Variants in SCAI observed in about 807,000 individuals in gnomAD.
SCAI encodes suppressor of cancer cell invasion, also known as protein SCAI.
SCAI carries 24 observed loss-of-function variants against 92.2 expected under a neutral mutation model. The observed-to-expected ratio is 0.26, with a 90% CI of 0.19 to 0.37. The LOEUF (loss-of-function observed/expected upper bound fraction) is 0.37. Ranked by LOEUF, SCAI falls within the 10% of genes least tolerant of loss-of-function variation. The probability of loss-of-function intolerance (pLI) is 1.00; values close to 1 mark genes in which losing one functional copy is unlikely to be tolerated. For missense variants in SCAI, 450 were observed against 736.2 expected (o/e 0.61, Z 4.50); for synonymous variants, 261 against 258.6 (o/e 1.01, Z -0.09).
intron 3 of SCAI, among the ~76,000 whole-genome samples, chr9:125,039,385 C>CAAAAAAAAAA (rs58716034): frequency 4.1e-5 from 2 of 48,308 alleles, no homozygotes; most frequent in African/African-American, 8.6e-5. Flanking sequence ...GACTCCATCT[C>CAAAAAAAAAA]AAAAAAAAAA....
In SCAI at chr9:125,114,263, A is replaced by C. The variant is rs953513274; in HGVS notation, c.98+28370T>G. 4.6e-5 allele frequency among the ~76,000 whole-genome samples: 7 copies of C among 152,328 alleles called. No homozygotes were observed. The South Asian group carries it at 1.0e-3, about 23-fold the overall frequency. On this transcript the variant is annotated intron_variant, in intron 2 of 17. Coordinates refer to ENST00000336505, the MANE Select transcript of SCAI (RefSeq NM_001144877.3). ...TTAGTAGTCGCTGGCATAAAAAATA[A>C]ATGCTATGTGAAAATTGTATGGTAC...
intron 2 of SCAI, among the ~76,000 whole-genome samples, chr9:125,110,886 T>C (rs1834915824): frequency 6.6e-6 from 1 of 152,126 alleles, no homozygotes; most frequent in Non-Finnish European, 1.5e-5. Flanking sequence ...CCCTGAGGCC[T>C]CCCCAGAAGC....
At chr9:124,963,146 T>C (rs117101033) in intron 17 of SCAI, among the ~76,000 whole-genome samples, 9 of 148,206 alleles carry the variant, frequency 6.1e-5, no homozygotes, top group African/African-American at 1.0e-4. Context: ...AAGAATTTTT[T>C]CCCCCCCGAG....
chr9:125,014,392 G>C (rs1000052846), intron 9 of SCAI, among the ~76,000 whole-genome samples: 56 of 151,980 alleles, frequency 3.7e-4, no homozygotes, highest in African/African-American at 1.2e-3. Flanking sequence ...CAATAACAGA[G>C]AAACAGAGAG....
intron 9 of SCAI, among the ~76,000 whole-genome samples, chr9:125,014,795 C>T (rs951209912): frequency 3.3e-5 from 5 of 152,170 alleles, no homozygotes; most frequent in African/African-American, 1.2e-4. Flanking sequence ...TACAAGGCTA[C>T]AGTAACCAAA....
intron 2 of SCAI, among the ~76,000 whole-genome samples, chr9:125,106,300 A>G (rs1834799537): frequency 1.3e-5 from 2 of 150,454 alleles, no homozygotes; most frequent in East Asian, 2.0e-4. Context: ...TGGAAGATTC[A>G]TTTCCAATGG....
intron 3 of SCAI, among the ~76,000 whole-genome samples, chr9:125,042,227 T>C (rs1833329414): frequency 6.6e-6 from 1 of 152,200 alleles, no homozygotes; most frequent in Non-Finnish European, 1.5e-5. Context: ...AGTATGACAC[T>C]AATCTCTCTT....
intron 2 of SCAI, among the ~76,000 whole-genome samples, chr9:125,111,250 A>G (rs1462050977): frequency 6.6e-6 from 1 of 152,174 alleles, no homozygotes; most frequent in African/African-American, 2.4e-5. Flanking sequence ...ATTAGAAGGA[A>G]AAAAAGAGAA....
chr9:125,135,379 C>T (rs774841406), intron 2 of SCAI, among the ~76,000 whole-genome samples: 11 of 152,282 alleles, frequency 7.2e-5, no homozygotes, highest in Non-Finnish European at 1.5e-4. Flanking sequence ...AGGCCAGGCA[C>T]GATGGCTCAC....
chr9:125,070,088 A>C (rs1171709275), intron 2 of SCAI, among the ~76,000 whole-genome samples: 1 of 152,216 alleles, frequency 6.6e-6, no homozygotes, highest in African/African-American at 2.4e-5. Context: ...ACTGTGCTAT[A>C]AATTACACTA....
intron 2 of SCAI, among the ~76,000 whole-genome samples, chr9:125,122,515 G>A (rs1469213975): frequency 6.7e-6 from 1 of 149,474 alleles, no homozygotes; most frequent in Admixed American, 6.8e-5. Context: ...CTTGAACCCA[G>A]GAGGCAGAGG....
chr9:124,962,178 G>GGT (rs1249505743), intron 17 of SCAI, among the ~76,000 whole-genome samples: 3 of 144,110 alleles, frequency 2.1e-5, no homozygotes, highest in African/African-American at 7.8e-5. Context: ...TTTGCGGGGG[G>GGT]GGATGGAGTC....
chr9:124,985,261 G>C (rs1831964022), intron 14 of SCAI, among the ~76,000 whole-genome samples: 1 of 150,766 alleles, frequency 6.6e-6, no homozygotes, highest in Non-Finnish European at 1.5e-5. Context: ...ATTTTTTCTT[G>C]ATGCTGAGCA....
intron 3 of SCAI, among the ~76,000 whole-genome samples, chr9:125,042,330 T>G (rs920630564): frequency 1.3e-5 from 2 of 152,168 alleles, no homozygotes; most frequent in Middle Eastern, 3.4e-3. Context: ...CAGGGATGTT[T>G]CAAATATAAC....
intron 2 of SCAI, among the ~76,000 whole-genome samples, chr9:125,112,883 G>A (rs1189993886): frequency 6.6e-6 from 1 of 152,208 alleles, no homozygotes; most frequent in Non-Finnish European, 1.5e-5. Context: ...GGACTTATCA[G>A]CCAACTGAAA....
chr9:124,972,659 A>T (rs927527276), intron 15 of SCAI, among the ~76,000 whole-genome samples: 1 of 152,210 alleles, frequency 6.6e-6, no homozygotes, highest in African/African-American at 2.4e-5. Flanking sequence ...ACATGTCAAC[A>T]ACTCAAAGCA....
intron 3 of SCAI, among the ~76,000 whole-genome samples, chr9:125,040,628 A>C (rs1833300765): frequency 6.6e-6 from 1 of 151,232 alleles, no homozygotes; most frequent in Non-Finnish European, 1.5e-5. Context: ...TGTTTTGTTT[A>C]TTTATTTATT....
rs145251012 is a variant in SCAI at position 125,046,429 on chromosome 9, T to A, written c.230+9447A>T. Among the ~76,000 whole-genome samples the A allele has an allele frequency of 6.1e-3, 876 of 143,676 alleles. 6 individuals carry two copies. Among genetic ancestry groups the A allele is most frequent in the South Asian group, 0.012 (55 of 4,420 alleles). The allele number at this position is 143,676 out of a possible 152,430, so 94.3% of individuals were successfully genotyped here. ...GCAACCTGGAAGGAATTGGAGACCATTATTCTAAGTTAAGTAACTCACGAA... is the reference window on the plus strand; with the variant it reads ...GCAACCTGGAAGGAATTGGAGACCAATATTCTAAGTTAAGTAACTCACGAA... On this transcript the variant is annotated intron_variant, in intron 3 of 17. Coordinates refer to ENST00000336505, the MANE Select transcript of SCAI (RefSeq NM_001144877.3).
intron 7 of SCAI, 116 bp from the exon 8 acceptor site, chr9:125,019,321 TAC>T (rs1367833467): frequency 3.2e-6 from 2 of 619,644 alleles, no homozygotes; most frequent in African/African-American, 3.7e-5. Flanking sequence ...TTATTAGCAA[TAC>T]ACAGTCCTGA....
Sources: gnomAD v4.1 joint callset for allele counts (sites outside exome capture counted in the v4.1 genomes callset) on GRCh38, gnomAD v4.1.1 for gene constraint, MANE v1.5 for transcripts, NCBI Gene and HGNC (gene_info 2026-07-23, HGNC 2026-07-21) for gene names.